Variants in PCDH15 observed in about 807,000 individuals in gnomAD.
The protein encoded by PCDH15 is protocadherin-15.
Under a neutral mutation model 178.5 loss-of-function variants are expected in PCDH15, and 129 were observed. The ratio of observed to expected loss-of-function variants is 0.72; its 90% CI spans 0.63 to 0.84. The LOEUF (loss-of-function observed/expected upper bound fraction) is 0.84, where lower values mean the gene tolerates loss of function less well. PCDH15 is among the 40% of genes least tolerant of loss of function. The pLI, the probability that PCDH15 is intolerant of heterozygous loss-of-function variation, is 0.00. For synonymous variants in PCDH15, 800 were observed against 732.0 expected, an observed-to-expected ratio of 1.09 and a Z score of -1.50; for missense variants, 2,230 against 2,099.9, an observed-to-expected ratio of 1.06 and a Z score of -1.21.
chr10:55,030,625 T>G (rs1460564049), intron 2 of PCDH15, among the ~76,000 whole-genome samples: 1 of 152,186 alleles, frequency 6.6e-6, no homozygotes, highest in Non-Finnish European at 1.5e-5. Context: ...ATTTATATTT[T>G]AAACTAAACC....
rs528213994 is a variant in PCDH15, at chr10:54,616,351, T to C, written c.91+47821A>G. Among the ~76,000 whole-genome samples the C allele has an allele frequency of 4.7e-4, 71 of 152,224 alleles. No homozygotes were observed. The South Asian group carries it at 5.8e-3, about 12-fold the overall frequency. Reference sequence around the variant, plus strand: ...AAAATTAGGTCAGGTATAAAGAACATATTCCTAATCAGATGAGGAACTTTT... The same window carrying C: ...AAAATTAGGTCAGGTATAAAGAACACATTCCTAATCAGATGAGGAACTTTT... On this transcript the variant is annotated intron_variant, in intron 2 of 37. Transcript: ENST00000644397.
intron 2 of PCDH15, among the ~76,000 whole-genome samples, chr10:55,359,475 T>C (rs988406621): frequency 6.6e-6 from 1 of 151,752 alleles, no homozygotes; most frequent in Non-Finnish European, 1.5e-5. Flanking sequence ...GCAATTCATG[T>C]ACACTATTGG....
chr10:54,311,090 A>AT (rs1419653656), intron 8 of PCDH15, among the ~76,000 whole-genome samples: 2 of 152,112 alleles, frequency 1.3e-5, no homozygotes, highest in Non-Finnish European at 2.9e-5. Flanking sequence ...TGAAAGCTAG[A>AT]TTTTTTAAGA....
At chr10:55,518,248 T>C (rs1481853314) in intron 2 of PCDH15, among the ~76,000 whole-genome samples, 4 of 152,150 alleles carry the variant, frequency 2.6e-5, no homozygotes, top group Non-Finnish European at 5.9e-5. Context: ...AAATTGCATG[T>C]CAGTTCATGC....
intron 2 of PCDH15, among the ~76,000 whole-genome samples, chr10:54,930,990 T>C (rs75677367): frequency 6.6e-6 from 1 of 152,206 alleles, no homozygotes; most frequent in Non-Finnish European, 1.5e-5. Context: ...GATGGCATGA[T>C]TGATGGATTA....
chr10:55,424,477 C>A (rs1434888821), intron 2 of PCDH15, among the ~76,000 whole-genome samples: 2 of 152,106 alleles, frequency 1.3e-5, no homozygotes, highest in African/African-American at 4.8e-5. Flanking sequence ...AACTAAATAG[C>A]CCCAGGGCAT....
chr10:54,153,402 A>T, intron 13 of PCDH15, 109 bp from the exon 14 acceptor site: 2 of 1,240,338 alleles, frequency 1.6e-6, no homozygotes, highest in Non-Finnish European at 2.3e-6. Context: ...AAACACAGGA[A>T]AGTTTCCTTG....
At chr10:54,554,433 G>A (rs1315182070) in intron 2 of PCDH15, among the ~76,000 whole-genome samples, 1 of 152,114 alleles carries the variant, frequency 6.6e-6, no homozygotes. Context: ...TCTTATGTTA[G>A]TAAGAAAATT....
intron 2 of PCDH15, among the ~76,000 whole-genome samples, chr10:55,127,857 C>A (rs1475851969): frequency 6.6e-6 from 1 of 152,004 alleles, no homozygotes; most frequent in Non-Finnish European, 1.5e-5. Flanking sequence ...ACTTTCCACA[C>A]TGAGAATCTG....
intron 6 of PCDH15, among the ~76,000 whole-genome samples, chr10:54,345,823 A>G (rs1308048817): frequency 6.9e-6 from 1 of 144,230 alleles, no homozygotes; most frequent in African/African-American, 2.8e-5. Context: ...AAAAAAAAAA[A>G]AAAAAAAAAA....
intron 27 of PCDH15, among the ~76,000 whole-genome samples, 193 bp from the exon 28 acceptor site, chr10:53,857,456 G>A (rs2078830171): frequency 6.6e-6 from 1 of 152,070 alleles, no homozygotes; most frequent in South Asian, 2.1e-4. Flanking sequence ...GGGGCAGACT[G>A]AGCATGAGAA....
intron 14 of PCDH15, among the ~76,000 whole-genome samples, chr10:54,151,116 TA>T (rs1180405195): frequency 6.6e-6 from 1 of 151,968 alleles, no homozygotes; most frequent in Non-Finnish European, 1.5e-5. Context: ...AATAGATGAG[TA>T]TTTTTTTAAC....
intron 37 of PCDH15, among the ~76,000 whole-genome samples, chr10:53,810,104 T>A (rs1032490484): frequency 1.3e-5 from 2 of 149,224 alleles, no homozygotes; most frequent in Non-Finnish European, 3.0e-5. Flanking sequence ...CATGCTAATT[T>A]AAACATAAAT....
At chr10:53,915,635 C>T (rs1020889898) in intron 25 of PCDH15, among the ~76,000 whole-genome samples, 4 of 152,160 alleles carry the variant, frequency 2.6e-5, no homozygotes, top group African/African-American at 9.7e-5. Flanking sequence ...TCTTGGCTCA[C>T]TGTAACCTCC....
intron 1 of PCDH15, among the ~76,000 whole-genome samples, chr10:54,754,264 T>A (rs568490511): frequency 6.6e-6 from 1 of 152,248 alleles, no homozygotes; most frequent in East Asian, 1.9e-4. Context: ...CTAGTTTGAG[T>A]GAAATTCTTG....
chr10:55,212,091 CT>C (rs1241335750), intron 1 of PCDH15, among the ~76,000 whole-genome samples: 1 of 152,046 alleles, frequency 6.6e-6, no homozygotes, highest in African/African-American at 2.4e-5. Context: ...GCTCCATCTT[CT>C]TTTTTGTTGT....
At chr10:55,470,680 G>C (rs550251064) in intron 2 of PCDH15, among the ~76,000 whole-genome samples, 2 of 152,012 alleles carry the variant, frequency 1.3e-5, no homozygotes, top group Non-Finnish European at 2.9e-5. Context: ...CAACGTGCAC[G>C]GTTTACATTA....
chr10:55,464,621 A>T (rs1839788263), intron 2 of PCDH15, among the ~76,000 whole-genome samples: 1 of 59,114 alleles, frequency 1.7e-5, no homozygotes, highest in South Asian at 5.8e-4. Context: ...AGTAAATGGG[A>T]GTAAATATAT....
At chr10:55,112,634 C>T (rs560275682) in intron 2 of PCDH15, among the ~76,000 whole-genome samples, 1 of 152,216 alleles carries the variant, frequency 6.6e-6, no homozygotes, top group Admixed American at 6.5e-5. Flanking sequence ...TCTTCAGGAA[C>T]AGGCATGTGC....
Sources: gnomAD v4.1 joint callset for allele counts (sites outside exome capture counted in the v4.1 genomes callset) on GRCh38, gnomAD v4.1.1 for gene constraint, MANE v1.5 for transcripts, NCBI Gene and HGNC (gene_info 2026-07-23, HGNC 2026-07-21) for gene names.